Variants in POLI observed in about 807,000 individuals in gnomAD.
The protein encoded by POLI is DNA polymerase iota, also known as RAD30 homolog B.
Under a neutral mutation model 51.6 loss-of-function variants are expected in POLI, and 58 were observed. That is an observed-to-expected ratio of 1.12 (90% CI 0.91 to 1.40). The LOEUF (loss-of-function observed/expected upper bound fraction) is 1.40. Ranked by LOEUF, POLI falls within the 40% of genes most tolerant of loss-of-function variation. The pLI is 0.00. For missense variants in POLI, 921 were observed against 871.3 expected (o/e 1.06, Z -0.72); for synonymous variants, 322 against 299.7 (o/e 1.07, Z -0.77).
intron 7 of POLI, among the ~76,000 whole-genome samples, chr18:54,286,528 A>C (rs967633539): frequency 6.6e-6 from 1 of 152,138 alleles, no homozygotes; most frequent in African/African-American, 2.4e-5. Context: ...TTTTGTAAAA[A>C]AAAATCTTTT....
At chr18:54,311,570 T>C (rs2088669758) in intron 3 of POLI, among the ~76,000 whole-genome samples, 1 of 152,224 alleles carries the variant, frequency 6.6e-6, no homozygotes, top group East Asian at 1.9e-4. Context: ...CAGAACAATT[T>C]GTGATGTTGA....
At chr18:54,278,774 T>G (rs1043296510) in intron 4 of POLI, among the ~76,000 whole-genome samples, 5 of 152,238 alleles carry the variant, frequency 3.3e-5, no homozygotes, top group Admixed American at 6.5e-5. Context: ...ATCTTATGAC[T>G]CTGCTGGTGA....
In POLI at chr18:54,296,301, A is replaced by T. The variant is rs562929762; in HGVS notation, c.*1834A>T. The T allele has an allele frequency of 2.0e-6, 2 of 985,304 alleles. No individual in the cohort carries two copies. Among genetic ancestry groups the T allele is most frequent in the Admixed American group, 1.2e-4 (2 of 16,284 alleles). The allele number at this position is 985,304 out of a possible 1,614,324, so 61.0% of individuals were successfully genotyped here. On this transcript the variant is annotated 3_prime_UTR_variant, in exon 10 of 10. Coordinates refer to ENST00000579534, the MANE Select transcript of POLI (RefSeq NM_007195.3). Reference sequence around the variant, plus strand: ...GAGAAAGCAAAATAGTTAAAAATACATTTCATAGATTGAGAATGTACGGGC... The same window carrying T: ...GAGAAAGCAAAATAGTTAAAAATACTTTTCATAGATTGAGAATGTACGGGC...
chr18:54,272,277 C>G (rs1284388962), intron 2 of POLI: 1 of 152,022 alleles, frequency 6.6e-6, no homozygotes. Flanking sequence ...TCTAAGGGTG[C>G]CAAGGAGTTA....
intron 3 of POLI, among the ~76,000 whole-genome samples, chr18:54,276,765 T>G (rs988732053): frequency 6.6e-6 from 1 of 152,218 alleles, no homozygotes; most frequent in African/African-American, 2.4e-5. Flanking sequence ...TCCCCTCACA[T>G]TGTCAATGTT....
At chr18:54,284,767 A>G (rs2087673074) in intron 7 of POLI, 1 of 152,298 alleles carries the variant, frequency 6.6e-6, no homozygotes, top group Non-Finnish European at 1.5e-5. Flanking sequence ...CTGTATGTAA[A>G]GAGTATCAAC....
Position 54,292,047 on chromosome 18 carries a change from ACTC to A in POLI, c.1404+10_1404+12del, listed in dbSNP as rs1369474444. The A allele has an allele frequency of 2.6e-6, 4 of 1,550,524 alleles. No individual in the cohort carries two copies. The African/African-American group carries it at 5.5e-5, about 21-fold the overall frequency. On this transcript the variant is annotated intron_variant, in intron 9 of 9. Coordinates refer to ENST00000579534, the MANE Select transcript of POLI (RefSeq NM_007195.3). ...CTGGCAAGCACAGTTTTGTAAGTAC[ACTC>A]TTTTTTGTTCAGTTTTCTAAGTATA... is the stretch of plus-strand genomic sequence containing the variant.
Position 54,294,001 on chromosome 18 carries a change from A to G in POLI, c.1757A>G (p.Asp586Gly). 1 of 1,613,550 alleles carries G rather than the reference A, an allele frequency of 6.2e-7. No individual in the cohort carries two copies. Among genetic ancestry groups the G allele is most frequent in the Non-Finnish European group, 8.5e-7 (1 of 1,179,626 alleles). ...CAAGATATTCCCATAAATCCTAGAGATCATTTATCCAGTAGCAAACAGGTA... is the reference window on the plus strand; with the variant it reads ...CAAGATATTCCCATAAATCCTAGAGGTCATTTATCCAGTAGCAAACAGGTA... ...QMQDIPINPRDHLSSSKQVSS... is the reference protein window; with the variant it reads ...QMQDIPINPRGHLSSSKQVSS... The change falls in exon 10 of 10, where the codon GAT (aspartate) becomes GGT (glycine). Residue 586 changes from aspartate (D) to glycine (G), a missense_variant. Physicochemically the swap from Asp to Gly is moderately conservative, Grantham distance 94. Transcript: ENST00000579534.
intron 3 of POLI, among the ~76,000 whole-genome samples, chr18:54,306,676 A>G (rs908128477): frequency 6.6e-6 from 1 of 152,212 alleles, no homozygotes; most frequent in Non-Finnish European, 1.5e-5. Context: ...TACCTCTGGT[A>G]GAATTCGGCT....
chr18:54,278,060 T>C (rs932423240), intron 4 of POLI, among the ~76,000 whole-genome samples: 1 of 152,218 alleles, frequency 6.6e-6, no homozygotes, highest in African/African-American at 2.4e-5. Context: ...TGTAGCTCAA[T>C]GCTCTGTGCA....
intron 3 of POLI, among the ~76,000 whole-genome samples, chr18:54,307,733 A>G (rs62091232): frequency 1.3e-5 from 2 of 152,016 alleles, no homozygotes; most frequent in Non-Finnish European, 2.9e-5. Flanking sequence ...CTCTTTGTAG[A>G]TCACTAAGGA....
chr18:54,290,506 G>A (rs1056029067), intron 8 of POLI, among the ~76,000 whole-genome samples: 1 of 152,126 alleles, frequency 6.6e-6, no homozygotes. Context: ...TATAAATCAT[G>A]CTACTATAAA....
rs899800123 is a variant in POLI, at chr18:54,269,580, G to A, written c.34G>A (p.Gly12Ser). The change falls in exon 1 of 10, where the codon GGC (glycine) becomes AGC (serine). Residue 12 changes from glycine to serine, a missense_variant. Gly to Ser is a moderately conservative substitution (Grantham distance 56). Transcript: ENST00000579534. Reference sequence around the variant, plus strand: ...GCTGGGGGTGGAGCCGGAGGAGGAAGGCGGCGGCGACGACGACGAGGAAGA... The same window carrying A: ...GCTGGGGGTGGAGCCGGAGGAGGAAAGCGGCGGCGACGACGACGAGGAAGA... ...EKLGVEPEEE[G>S]GGDDDEEDAE... is the part of the protein sequence containing the mutation. The A allele has an allele frequency of 3.2e-5, 46 of 1,417,332 alleles. No homozygotes were observed. The highest frequency in any genetic ancestry group is 3.8e-4 in the Middle Eastern group (2 of 5,274). The allele number at this position is 1,417,332 out of a possible 1,614,324, so 87.8% of individuals were successfully genotyped here.
chr18:54,304,763 T>G (rs1342139801), intron 3 of POLI, among the ~76,000 whole-genome samples: 2 of 152,196 alleles, frequency 1.3e-5, no homozygotes, highest in Admixed American at 6.5e-5. Context: ...CTCTTTAGTT[T>G]AATTAGATCC....
At chr18:54,306,721 G>C (rs2088592365) in intron 3 of POLI, among the ~76,000 whole-genome samples, 1 of 152,070 alleles carries the variant, frequency 6.6e-6, no homozygotes, top group East Asian at 1.9e-4. Flanking sequence ...TTTTTGGTTG[G>C]TAGGCTATTA....
At chr18:54,315,607 G>A (rs567198507) in intron 3 of POLI, among the ~76,000 whole-genome samples, 16 of 152,184 alleles carry the variant, frequency 1.1e-4, no homozygotes, top group African/African-American at 3.1e-4. Flanking sequence ...TGTAGGTCTA[G>A]AAGTAGTTGT....
At chr18:54,281,051 A>C in intron 5 of POLI, 148 bp downstream of exon 5, 1 of 483,288 alleles carries the variant, frequency 2.1e-6, no homozygotes, top group East Asian at 3.2e-5. Context: ...TGGTTCCTGG[A>C]AAAAACTAAG....
At chr18:54,314,778 A>G (rs895386948) in intron 3 of POLI, among the ~76,000 whole-genome samples, 1 of 150,406 alleles carries the variant, frequency 6.6e-6, no homozygotes, top group African/African-American at 2.4e-5. Context: ...GTCACTGGGT[A>G]TCTTCTGTAT....
Position 54,282,529 on chromosome 18 carries a change from A to G in POLI, c.797-308A>G, listed in dbSNP as rs138923508. Among the ~76,000 whole-genome samples, 161 of 152,272 alleles carry G rather than the reference A, an allele frequency of 1.1e-3. 1 individual carries two copies. The highest frequency in any genetic ancestry group is 1.8e-3 in the Non-Finnish European group (122 of 67,990). On this transcript the variant is annotated intron_variant, in intron 5 of 9. Transcript: ENST00000579534. ...CAGAGACCACATTCACATAACTTGT[A>G]TATTGTATATTGTTATAGTTCTGTT... is the stretch of plus-strand genomic sequence containing the variant.
Sources: gnomAD v4.1 joint callset for allele counts (sites outside exome capture counted in the v4.1 genomes callset) on GRCh38, gnomAD v4.1.1 for gene constraint, MANE v1.5 for transcripts, NCBI Gene and HGNC (gene_info 2026-07-23, HGNC 2026-07-21) for gene names.